The following TNKS variants were observed in gnomAD, a reference collection of about 807,000 sequenced individuals.
TNKS encodes the protein tankyrase, also known as poly [ADP-ribose] polymerase tankyrase-1.
Under a neutral mutation model 135.8 loss-of-function variants are expected in TNKS, and 72 were observed. That is an observed-to-expected ratio of 0.53 (90% confidence interval 0.44 to 0.64). The LOEUF (loss-of-function observed/expected upper bound fraction) is 0.64, where lower values mean the gene tolerates loss of function less well. TNKS is among the 30% of genes least tolerant of loss of function. The probability of loss-of-function intolerance (pLI) is 0.00; values close to 1 mark genes in which losing one functional copy is unlikely to be tolerated. For synonymous variants in TNKS, 849 were observed against 649.3 expected, an observed-to-expected ratio of 1.31 and a Z score of -4.68; for missense variants, 1,769 against 1,674.0, an observed-to-expected ratio of 1.06 and a Z score of -0.99.
At chr8:9,633,419 T>A (rs1440203835) in intron 3 of TNKS, among the ~76,000 whole-genome samples, 2 of 152,226 alleles carry the variant, frequency 1.3e-5, no homozygotes, top group East Asian at 3.8e-4. Context: ...ACTGATGGAT[T>A]ACTTTCTAAG....
chr8:9,716,155 A>G (rs1804589625), intron 11 of TNKS, among the ~76,000 whole-genome samples: 1 of 152,182 alleles, frequency 6.6e-6, no homozygotes, highest in Admixed American at 6.6e-5. Flanking sequence ...TGTGTTTAAG[A>G]AGATATTGTG....
intron 17 of TNKS, among the ~76,000 whole-genome samples, chr8:9,741,270 G>T (rs1352139674): frequency 6.6e-6 from 1 of 152,152 alleles, no homozygotes; most frequent in Non-Finnish European, 1.5e-5. Flanking sequence ...GGGATCGGTA[G>T]AACTGAAATT....
At chr8:9,568,246 G>A (rs1797622871) in intron 1 of TNKS, among the ~76,000 whole-genome samples, 1 of 152,064 alleles carries the variant, frequency 6.6e-6, no homozygotes. Context: ...TTTCCCCCTT[G>A]GTTTGTTTCT....
In TNKS at chr8:9,704,384, T is replaced by G. The variant is rs146329471; in HGVS notation, c.1108-279T>G. ...TCAGAACAGTGAGAATGTTTCATGT[T>G]GGAAAGAAATAGGAAATCATGTAGA... On this transcript the variant is annotated intron_variant, in intron 5 of 26. Coordinates refer to ENST00000310430, the MANE Select transcript of TNKS (RefSeq NM_003747.3). Among the ~76,000 whole-genome samples the G allele has an allele frequency of 2.1e-3, 318 of 152,228 alleles. 1 individual carries two copies. Among genetic ancestry groups the G allele is most frequent in the African/African-American group, 7.4e-3 (306 of 41,534 alleles).
intron 3 of TNKS, among the ~76,000 whole-genome samples, chr8:9,619,437 A>G (rs1799778099): frequency 6.6e-6 from 1 of 152,182 alleles, no homozygotes; most frequent in South Asian, 2.1e-4. Context: ...ATAGATAACC[A>G]AAGGAATGTT....
At chr8:9,570,494 A>C (rs939413821) in intron 1 of TNKS, among the ~76,000 whole-genome samples, 1 of 152,322 alleles carries the variant, frequency 6.6e-6, no homozygotes, top group East Asian at 1.9e-4. Context: ...CACATGGCCC[A>C]GTGGCATTAG....
intron 17 of TNKS, among the ~76,000 whole-genome samples, chr8:9,742,639 T>C (rs965416331): frequency 4.6e-5 from 7 of 151,100 alleles, no homozygotes; most frequent in African/African-American, 1.7e-4. Flanking sequence ...AGCAACATGG[T>C]TTAAGGCCAG....
intron 3 of TNKS, among the ~76,000 whole-genome samples, chr8:9,640,488 G>A (rs1345204531): frequency 6.9e-6 from 1 of 145,752 alleles, no homozygotes; most frequent in Admixed American, 7.2e-5. Context: ...TTTACCCAGA[G>A]CATTTTTAGT....
At chr8:9,756,144 A>C (rs1387587440) in intron 20 of TNKS, among the ~76,000 whole-genome samples, 1 of 152,154 alleles carries the variant, frequency 6.6e-6, no homozygotes, top group African/African-American at 2.4e-5. Context: ...TTTTATGGTT[A>C]ACCTATGTAT....
intron 18 of TNKS, 91 bp downstream of exon 18, chr8:9,748,303 G>A: frequency 8.6e-7 from 1 of 1,157,826 alleles, no homozygotes; most frequent in Non-Finnish European, 1.1e-6. Flanking sequence ...TTTTAGTCGT[G>A]TTTATTTCAC....
At chr8:9,660,074 C>T (rs1252642667) in intron 3 of TNKS, among the ~76,000 whole-genome samples, 2 of 152,168 alleles carry the variant, frequency 1.3e-5, no homozygotes, top group Admixed American at 6.5e-5. Flanking sequence ...ACAACAGGCT[C>T]TGAAATTGAG....
intron 2 of TNKS, chr8:9,615,288 C>T: frequency 4.6e-6 from 1 of 219,658 alleles, no homozygotes; most frequent in South Asian, 8.9e-5. Flanking sequence ...CACATAGCTT[C>T]CCATACTGCT....
chr8:9,655,686 A>G (rs1226539225), intron 3 of TNKS, among the ~76,000 whole-genome samples: 1 of 152,234 alleles, frequency 6.6e-6, no homozygotes, highest in Admixed American at 6.5e-5. Context: ...GAGGGTCCTG[A>G]CTGTTAGAAG....
chr8:9,713,615 A>T (rs145618469), intron 11 of TNKS, among the ~76,000 whole-genome samples: 1 of 152,324 alleles, frequency 6.6e-6, no homozygotes, highest in Non-Finnish European at 1.5e-5. Context: ...TAGTTCATCT[A>T]CATTGATAAC....
chr8:9,677,050 GTAGCTCA>G (rs1362053894), intron 3 of TNKS, among the ~76,000 whole-genome samples: 1 of 152,172 alleles, frequency 6.6e-6, no homozygotes, highest in East Asian at 1.9e-4. Context: ...TGTTAAGTAA[GTAGCTCA>G]GATTTGTTAT....
intron 2 of TNKS, among the ~76,000 whole-genome samples, chr8:9,611,233 T>A (rs1799449677): frequency 6.6e-6 from 1 of 152,178 alleles, no homozygotes; most frequent in Admixed American, 6.5e-5. Flanking sequence ...TCTCTGGAAT[T>A]TGAGGTTTAA....
At chr8:9,731,945 G>A (rs1049378401) in intron 14 of TNKS, among the ~76,000 whole-genome samples, 11 of 151,922 alleles carry the variant, frequency 7.2e-5, no homozygotes, top group African/African-American at 1.9e-4. Flanking sequence ...CCGTCACCAC[G>A]CCCGGCTAAT....
chr8:9,582,073 T>C (rs1798188146), intron 2 of TNKS, among the ~76,000 whole-genome samples: 1 of 152,186 alleles, frequency 6.6e-6, no homozygotes, highest in African/African-American at 2.4e-5. Flanking sequence ...AATGAGGATA[T>C]AGTTGCTATT....
chr8:9,615,781 G>C (rs1334620755), intron 3 of TNKS, 104 bp downstream of exon 3: 1 of 817,336 alleles, frequency 1.2e-6, no homozygotes, highest in African/African-American at 1.7e-5. Context: ...ATGAAGCTAA[G>C]CAAATATATC....
Sources: gnomAD v4.1 joint callset for allele counts (sites outside exome capture counted in the v4.1 genomes callset) on GRCh38, gnomAD v4.1.1 for gene constraint, MANE v1.5 for transcripts, NCBI Gene and HGNC (gene_info 2026-07-23, HGNC 2026-07-21) for gene names.